Variants in SLC8A1 observed in about 807,000 individuals in gnomAD.
SLC8A1 encodes sodium/calcium exchanger 1.
In SLC8A1, 18 loss-of-function variants were observed where a neutral mutation model predicts 68.3. The observed-to-expected ratio is 0.26, with a 90% CI of 0.18 to 0.39. SLC8A1 has a LOEUF of 0.39. Among genes scored for constraint, SLC8A1 ranks in the 10% least tolerant of loss-of-function variants. The pLI, the probability that SLC8A1 is intolerant of heterozygous loss-of-function variation, is 1.00. For missense variants in SLC8A1, 985 were observed against 1,156.7 expected (o/e 0.85, Z 2.15); for synonymous variants, 475 against 415.5 (o/e 1.14, Z -1.74).
At chr2:40,407,453 G>C (rs952228587) in intron 2 of SLC8A1, among the ~76,000 whole-genome samples, 1 of 152,130 alleles carries the variant, frequency 6.6e-6, no homozygotes, top group African/African-American at 2.4e-5. Context: ...TTCTTCAAAC[G>C]TCAGTGGTTT....
intron 2 of SLC8A1, among the ~76,000 whole-genome samples, chr2:40,400,873 T>C (rs1688524281): frequency 6.6e-6 from 1 of 152,018 alleles, no homozygotes; most frequent in Admixed American, 6.5e-5. Context: ...CTCCGTGTAA[T>C]AAGCAAAGGC....
chr2:40,216,134 T>C (rs1047253157), intron 2 of SLC8A1, among the ~76,000 whole-genome samples: 1 of 151,788 alleles, frequency 6.6e-6, no homozygotes, highest in East Asian at 1.9e-4. Flanking sequence ...TGTTGACCCA[T>C]CCTCTAAGTT....
At chr2:40,265,774 T>C (rs2065282879) in intron 2 of SLC8A1, among the ~76,000 whole-genome samples, 1 of 152,180 alleles carries the variant, frequency 6.6e-6, no homozygotes, top group South Asian at 2.1e-4. Flanking sequence ...CATGGCTCCC[T>C]TCATATATTA....
At chr2:40,321,797 A>G (rs1184912372) in intron 2 of SLC8A1, among the ~76,000 whole-genome samples, 1 of 152,116 alleles carries the variant, frequency 6.6e-6, no homozygotes, top group Non-Finnish European at 1.5e-5. Flanking sequence ...TATGGGAACT[A>G]CAATTCAAGA....
chr2:40,111,450 A>AT (rs1349572549), exon 8 of SLC8A1: 1 of 152,196 alleles, frequency 6.6e-6, no homozygotes, highest in Non-Finnish European at 1.5e-5. Flanking sequence ...TATACCACAT[A>AT]TGACCATATA....
At chr2:40,406,197 A>G (rs1356632833) in intron 2 of SLC8A1, among the ~76,000 whole-genome samples, 1 of 152,222 alleles carries the variant, frequency 6.6e-6, no homozygotes, top group Non-Finnish European at 1.5e-5. Context: ...AAATTTAAAC[A>G]TATATGCCAA....
intron 2 of SLC8A1, among the ~76,000 whole-genome samples, chr2:40,357,123 C>T (rs1322289520): frequency 2.0e-5 from 3 of 152,102 alleles, no homozygotes; most frequent in African/African-American, 7.2e-5. Flanking sequence ...TTCATCAGAG[C>T]AAATAACCTG....
chr2:40,434,458 C>T (rs1490340086), intron 1 of SLC8A1, among the ~76,000 whole-genome samples: 1 of 152,084 alleles, frequency 6.6e-6, no homozygotes, highest in Non-Finnish European at 1.5e-5. Flanking sequence ...CGGGGTCTTT[C>T]CTCTATCATC....
At chr2:40,160,329 G>C (rs1355859054) in intron 6 of SLC8A1, among the ~76,000 whole-genome samples, 1 of 152,184 alleles carries the variant, frequency 6.6e-6, no homozygotes, top group African/African-American at 2.4e-5. Context: ...GTTGCATGTT[G>C]TTGAAGAGAG....
At chr2:40,223,876 T>C (rs1272229541) in intron 2 of SLC8A1, 7 of 152,254 alleles carry the variant, frequency 4.6e-5, no homozygotes, top group Admixed American at 4.6e-4. Context: ...GTGAGCATGT[T>C]CTAATTTATA....
At chr2:40,235,121 G>A (rs1055521095) in intron 2 of SLC8A1, among the ~76,000 whole-genome samples, 1 of 152,086 alleles carries the variant, frequency 6.6e-6, no homozygotes, top group Non-Finnish European at 1.5e-5. Flanking sequence ...CATAAAATGA[G>A]TTAGGGAGGA....
At chr2:40,285,110 T>C (rs536790289) in intron 2 of SLC8A1, among the ~76,000 whole-genome samples, 182 of 152,298 alleles carry the variant, frequency 1.2e-3, no homozygotes, top group African/African-American at 4.2e-3. Flanking sequence ...AAGAGACATT[T>C]ATTAAGCTTC....
intron 2 of SLC8A1, among the ~76,000 whole-genome samples, chr2:40,229,917 G>T (rs922781421): frequency 6.6e-6 from 1 of 152,140 alleles, no homozygotes; most frequent in African/African-American, 2.4e-5. Context: ...AGATAAATAA[G>T]TTCATATCTT....
chr2:40,210,397 C>T lies in SLC8A1; in HGVS notation c.1809-32542G>A, dbSNP rs1574098753. ...CTTAATCTTCTACAAGTAGTGACTT[C>T]AGTTTCTAAAGGTTTCAAGGGGATC... On this transcript the variant is annotated intron_variant, in intron 2 of 7. Coordinates refer to ENST00000406785, the Ensembl canonical transcript of SLC8A1. Among the ~76,000 whole-genome samples the T allele has an allele frequency of 2.6e-5, 4 of 152,142 alleles. No individual in the cohort carries two copies. In the South Asian group the frequency reaches 8.3e-4, roughly 32 times the overall value.
chr2:40,345,942 C>T (rs1017601915), intron 2 of SLC8A1, among the ~76,000 whole-genome samples: 12 of 150,898 alleles, frequency 8.0e-5, no homozygotes, highest in African/African-American at 2.7e-4. Context: ...AGCAAACCAC[C>T]ATGGCACATG....
At chr2:40,476,377 G>C (rs1704298640) in intron 1 of SLC8A1, among the ~76,000 whole-genome samples, 1 of 152,132 alleles carries the variant, frequency 6.6e-6, no homozygotes, top group African/African-American at 2.4e-5. Flanking sequence ...TTTAGGGAGA[G>C]AGAAATAAAG....
chr2:40,114,295 C>G (rs1456235400), exon 8 of SLC8A1: 1 of 152,750 alleles, frequency 6.5e-6, no homozygotes, highest in African/African-American at 2.4e-5. Flanking sequence ...CAGACAATCC[C>G]AAGCAACGGC....
intron 1 of SLC8A1, among the ~76,000 whole-genome samples, chr2:40,469,041 C>T (rs1703857581): frequency 6.6e-6 from 1 of 152,068 alleles, no homozygotes; most frequent in Non-Finnish European, 1.5e-5. Context: ...AAAAATATTA[C>T]CACACTTGAA....
At chr2:40,177,959 C>G in intron 2 of SLC8A1, 1 of 767,922 alleles carries the variant, frequency 1.3e-6, no homozygotes, top group Non-Finnish European at 2.3e-6. Context: ...GGAGGGAGAA[C>G]TGGCAGCACA....
Sources: allele counts gnomAD v4.1 joint callset (sites outside exome capture counted in the v4.1 genomes callset), GRCh38; gene constraint gnomAD v4.1.1; transcripts MANE v1.5; gene names NCBI Gene and HGNC (gene_info 2026-07-23, HGNC 2026-07-21).